The following STAT4 variants were observed in gnomAD, a reference collection of about 807,000 sequenced individuals.
The protein encoded by STAT4 is signal transducer and activator of transcription 4.
In STAT4, 42 loss-of-function variants were observed where a neutral mutation model predicts 110.5. The ratio of observed to expected loss-of-function variants is 0.38; its 90% confidence interval spans 0.30 to 0.49. The LOEUF is 0.49. Among genes scored for constraint, STAT4 ranks in the 20% least tolerant of loss-of-function variants. The pLI is 0.95. For missense variants in STAT4, 632 were observed against 887.9 expected, an observed-to-expected ratio of 0.71 and a Z score of 3.66; for synonymous variants, 284 against 302.2, an observed-to-expected ratio of 0.94 and a Z score of 0.63.
intron 3 of STAT4, among the ~76,000 whole-genome samples, chr2:191,102,791 A>AAAATATACTTTCAG (rs1304077261): frequency 6.6e-6 from 1 of 152,224 alleles, no homozygotes; most frequent in Non-Finnish European, 1.5e-5. Context: ...AAAGTCTTCC[A>AAAATATACTTTCAG]AAATATACTT....
In STAT4 at chr2:191,041,159, G is replaced by C. The variant is rs757110711; in HGVS notation, c.1252-11C>G. Reference sequence around the variant, plus strand: ...CACCATGTGACAGCCCTAAGGAAGAGAGAAATAAATTGTTACCTCACAAAT... The same window carrying C: ...CACCATGTGACAGCCCTAAGGAAGACAGAAATAAATTGTTACCTCACAAAT... On this transcript the variant is annotated splice_polypyrimidine_tract_variant and intron_variant, in intron 14 of 23. Coordinates refer to ENST00000392320, the MANE Select transcript of STAT4 (RefSeq NM_003151.4). 6 of 1,403,862 alleles carry C rather than the reference G, an allele frequency of 4.3e-6. No individual in the cohort carries two copies. In the South Asian group the frequency reaches 9.8e-5, roughly 23 times the overall value. The allele number at this position is 1,403,862 out of a possible 1,614,324, so 87.0% of individuals were successfully genotyped here.
chr2:191,036,361 G>A, intron 16 of STAT4, 62 bp from the exon 17 acceptor site: 1 of 1,570,500 alleles, frequency 6.4e-7, no homozygotes, highest in African/African-American at 1.3e-5. Flanking sequence ...AGTGAGGTGT[G>A]AGCAGGGCAA....
At chr2:191,141,281 A>T (rs1338840100) in intron 3 of STAT4, among the ~76,000 whole-genome samples, 3 of 151,886 alleles carry the variant, frequency 2.0e-5, no homozygotes, top group Non-Finnish European at 4.4e-5. Flanking sequence ...TAGTCAACAG[A>T]TATAAGAAAA....
In STAT4 at chr2:191,039,357, T is replaced by G. The variant is rs1449076706; in HGVS notation, c.1336-60A>C. The G allele has an allele frequency of 1.3e-6, 2 of 1,482,894 alleles. No homozygotes were observed. The highest frequency in any genetic ancestry group is 1.4e-5 in the African/African-American group (1 of 72,170). The allele number at this position is 1,482,894 out of a possible 1,614,324, so 91.9% of individuals were successfully genotyped here. ...GTAGTCCCACCTTACATTGATCTTATGCTTGACCCTCGCCTCTAAAGGGCC... is the reference window on the plus strand; with the variant it reads ...GTAGTCCCACCTTACATTGATCTTAGGCTTGACCCTCGCCTCTAAAGGGCC... On this transcript the variant is annotated intron_variant, in intron 15 of 23. Coordinates refer to ENST00000392320, the MANE Select transcript of STAT4 (RefSeq NM_003151.4). This position sits in a 1 kb window ranked among gnomAD's most constrained non-coding sequence, Gnocchi z 4.7.
intron 3 of STAT4, among the ~76,000 whole-genome samples, chr2:191,111,851 C>A (rs1698433228): frequency 6.6e-6 from 1 of 152,080 alleles, no homozygotes; most frequent in South Asian, 2.1e-4. Flanking sequence ...CAGGGAAAGA[C>A]CCTATCTGTT....
chr2:191,080,297 T>C (rs1316859259), intron 3 of STAT4, among the ~76,000 whole-genome samples: 1 of 152,128 alleles, frequency 6.6e-6, no homozygotes, highest in Non-Finnish European at 1.5e-5. Flanking sequence ...TGTGTACATA[T>C]ATTAAAAGGG....
chr2:191,148,474 C>T (rs1196958137), intron 1 of STAT4, among the ~76,000 whole-genome samples: 1 of 152,124 alleles, frequency 6.6e-6, no homozygotes, highest in Non-Finnish European at 1.5e-5. Context: ...TGCCAAACAC[C>T]CCACATCCTG....
At chr2:191,137,951 A>C (rs1172289025) in intron 3 of STAT4, among the ~76,000 whole-genome samples, 1 of 152,224 alleles carries the variant, frequency 6.6e-6, no homozygotes, top group Non-Finnish European at 1.5e-5. Context: ...GGTCTAGGCA[A>C]AGATTTTATG....
At chr2:191,141,831 A>G (rs1376740756) in intron 3 of STAT4, among the ~76,000 whole-genome samples, 1 of 151,976 alleles carries the variant, frequency 6.6e-6, no homozygotes, top group African/African-American at 2.4e-5. Context: ...GGGTTTTGCC[A>G]TGATGGCCAG....
chr2:191,096,876 G>C (rs13258792), intron 3 of STAT4, among the ~76,000 whole-genome samples: 4 of 152,146 alleles, frequency 2.6e-5, no homozygotes, highest in Non-Finnish European at 5.9e-5. Flanking sequence ...AAACCCCATC[G>C]TCTCAGCCCA....
chr2:191,033,698 C>T lies in STAT4; in HGVS notation c.1716-72G>A. 1 of 1,567,742 alleles carries T rather than the reference C, an allele frequency of 6.4e-7. No individual in the cohort carries two copies. Among genetic ancestry groups the T allele is most frequent in the Non-Finnish European group, 8.6e-7 (1 of 1,158,394 alleles). On this transcript the variant is annotated intron_variant, in intron 19 of 23. Coordinates refer to ENST00000392320, the MANE Select transcript of STAT4 (RefSeq NM_003151.4). The surrounding 1 kb of genome is among the most constrained non-coding windows in gnomAD (Gnocchi z 6.9). ...CACTTATTGCATTTACAAAGACCTA[C>T]AGTTTGTTTTGAGTGTAATCAAAAG...
chr2:191,070,549 A>G (rs1457978862), intron 5 of STAT4, among the ~76,000 whole-genome samples: 1 of 152,152 alleles, frequency 6.6e-6, no homozygotes, highest in East Asian at 1.9e-4. Context: ...AGATAGACCC[A>G]CTGCACTTCC....
chr2:191,054,574 T>A, intron 13 of STAT4, 40 bp from the exon 14 acceptor site: 2 of 1,585,850 alleles, frequency 1.3e-6, no homozygotes, highest in Non-Finnish European at 1.7e-6. Flanking sequence ...TGGAAAAGCA[T>A]TATCAGCTAC....
In STAT4 at chr2:191,138,401, T is replaced by C. The variant is rs1225093064; in HGVS notation, c.273+8212A>G. Among the ~76,000 whole-genome samples the C allele has an allele frequency of 6.6e-6, 1 of 152,132 alleles. No individual in the cohort carries two copies. The highest frequency in any genetic ancestry group is 1.9e-4 in the East Asian group (1 of 5,200). On this transcript the variant is annotated intron_variant, in intron 3 of 23. Coordinates refer to ENST00000392320, the MANE Select transcript of STAT4 (RefSeq NM_003151.4). This position sits in a 1 kb window ranked among gnomAD's most constrained non-coding sequence, Gnocchi z 4.3. The stretch of plus-strand genomic sequence containing the variant: ...GAAGAGAGAAGATCCAAATAAGATT[T>C]CATTTCGCATCGAGAAATGAAACTA...
At chr2:191,067,059 C>CTT (rs778886728) in intron 6 of STAT4, among the ~76,000 whole-genome samples, 1 of 133,884 alleles carries the variant, frequency 7.5e-6, no homozygotes, top group Admixed American at 7.6e-5. Context: ...ACTTTTTTTT[C>CTT]TTTTTTTTTT....
chr2:191,146,831 T>G lies in STAT4; in HGVS notation c.129-74A>C, dbSNP rs1699474784. ...GTCTACTTTTTTACCATACTAACTTTAAAACAATAAACCTATTACATGGTG... is the reference window on the plus strand; with the variant it reads ...GTCTACTTTTTTACCATACTAACTTGAAAACAATAAACCTATTACATGGTG... On this transcript the variant is annotated intron_variant, in intron 2 of 23. Coordinates refer to ENST00000392320, the MANE Select transcript of STAT4 (RefSeq NM_003151.4). This position sits in a 1 kb window ranked among gnomAD's most constrained non-coding sequence, Gnocchi z 4.5. 6 of 1,368,372 alleles carry G rather than the reference T, an allele frequency of 4.4e-6. No homozygotes were observed. The South Asian group carries it at 9.0e-5, about 21-fold the overall frequency. 84.8% of individuals were successfully genotyped at this position (1,368,372 alleles called of 1,614,324 possible). A position where few individuals can be genotyped will look rare whatever the true frequency, so the allele number is the denominator to read the frequency against.
rs1696257487 is a variant in STAT4, at chr2:191,043,280, C to G, written c.1252-2132G>C. Among the ~76,000 whole-genome samples the G allele has an allele frequency of 6.6e-6, 1 of 150,742 alleles. No homozygotes were observed. On this transcript the variant is annotated intron_variant, in intron 14 of 23. Transcript: ENST00000392320. This position sits in a 1 kb window ranked among gnomAD's most constrained non-coding sequence, Gnocchi z 4.8. The stretch of plus-strand genomic sequence containing the variant: ...TTGGACATAAAGTAGAGGAAATTTC[C>G]CAGAATGTAAAACAAACAAAAAAAT...
intron 14 of STAT4, among the ~76,000 whole-genome samples, chr2:191,049,795 A>G (rs1696468132): frequency 6.6e-6 from 1 of 152,234 alleles, no homozygotes; most frequent in Admixed American, 6.5e-5. Context: ...GAGGAATGTA[A>G]AATGACAGCA....
chr2:191,037,198 T>A lies in STAT4; in HGVS notation c.1435-899A>T, dbSNP rs1034560778. On this transcript the variant is annotated intron_variant, in intron 16 of 23. Transcript: ENST00000392320. This position sits in a 1 kb window ranked among gnomAD's most constrained non-coding sequence, Gnocchi z 4.8. ...AATTTTACCTTGACCAGACCAATCATCCCAAAGTGCTAGAAATGGTAAAGT... is the reference window on the plus strand; with the variant it reads ...AATTTTACCTTGACCAGACCAATCAACCCAAAGTGCTAGAAATGGTAAAGT... Among the ~76,000 whole-genome samples, 3 of 152,162 alleles carry A rather than the reference T, an allele frequency of 2.0e-5. No individual in the cohort carries two copies. Among genetic ancestry groups the A allele is most frequent in the African/African-American group, 7.2e-5 (3 of 41,428 alleles).
Sources: allele counts gnomAD v4.1 joint callset (sites outside exome capture counted in the v4.1 genomes callset), GRCh38; gene constraint gnomAD v4.1.1; non-coding constraint Gnocchi (gnomAD v3.1); transcripts MANE v1.5; gene names NCBI Gene and HGNC (gene_info 2026-07-23, HGNC 2026-07-21).